Variants in COL11A1 observed in about 807,000 individuals in gnomAD.
The protein encoded by COL11A1 is collagen type XI alpha 1 chain.
In COL11A1, 74 loss-of-function variants were observed where a neutral mutation model predicts 265.2. The observed-to-expected ratio is 0.28, with a 90% CI of 0.23 to 0.34. COL11A1 has a LOEUF of 0.34. Ranked by LOEUF, COL11A1 falls within the 10% of genes least tolerant of loss-of-function variation. The pLI is 1.00. For synonymous variants in COL11A1, 816 were observed against 727.6 expected, an observed-to-expected ratio of 1.12 and a Z score of -1.96; for missense variants, 2,165 against 2,263.6, an observed-to-expected ratio of 0.96 and a Z score of 0.88.
intron 64 of COL11A1, among the ~76,000 whole-genome samples, chr1:102,882,235 T>C (rs1650342100): frequency 6.6e-6 from 1 of 152,194 alleles, no homozygotes; most frequent in Non-Finnish European, 1.5e-5. Flanking sequence ...CAACCTGAAT[T>C]ACTCCCTGCT....
chr1:103,004,328 G>T, intron 20 of COL11A1, 116 bp downstream of exon 20: 1 of 755,428 alleles, frequency 1.3e-6, no homozygotes, highest in Non-Finnish European at 2.3e-6. Flanking sequence ...TATCTGGTTA[G>T]CTTAGCTAAG....
intron 54 of COL11A1, among the ~76,000 whole-genome samples, chr1:102,904,157 G>T (rs1250464193): frequency 6.6e-6 from 1 of 152,016 alleles, no homozygotes; most frequent in Admixed American, 6.6e-5. Context: ...TTTTGTATAA[G>T]GTGTAAGGAA....
chr1:102,953,857 G>A (rs1228219645), intron 41 of COL11A1, among the ~76,000 whole-genome samples: 1 of 152,086 alleles, frequency 6.6e-6, no homozygotes, highest in African/African-American at 2.4e-5. Flanking sequence ...TCTGTAAGAA[G>A]GATAGATATT....
At chr1:102,902,765 G>T (rs569229518) in intron 54 of COL11A1, among the ~76,000 whole-genome samples, 97 of 151,288 alleles carry the variant, frequency 6.4e-4, no homozygotes, top group African/African-American at 2.2e-3. Context: ...CTTTGTAAAA[G>T]AAAATGTCTG....
intron 23 of COL11A1, 139 bp downstream of exon 23, chr1:103,002,289 G>C: frequency 1.1e-6 from 1 of 870,540 alleles, no homozygotes; most frequent in East Asian, 2.6e-5. Context: ...TTTAAAAAAA[G>C]AAAAGTATGT....
At chr1:103,073,287 T>C (rs930376385) in intron 4 of COL11A1, among the ~76,000 whole-genome samples, 9 of 151,926 alleles carry the variant, frequency 5.9e-5, no homozygotes, top group African/African-American at 1.9e-4. Flanking sequence ...TACACATTTA[T>C]GTTCCTGGAA....
intron 20 of COL11A1, among the ~76,000 whole-genome samples, chr1:103,003,526 T>A (rs538497511): frequency 4.6e-5 from 7 of 152,268 alleles, no homozygotes; most frequent in Admixed American, 2.0e-4. Flanking sequence ...ACTTGGGGAA[T>A]TTTTAAAATA....
intron 2 of COL11A1, among the ~76,000 whole-genome samples, chr1:103,082,200 T>TA (rs139284733): frequency 1.3e-5 from 2 of 151,934 alleles, no homozygotes; most frequent in South Asian, 2.1e-4. Flanking sequence ...GCTGATATTT[T>TA]AAAAAAATCT....
chr1:102,891,525 C>G (rs1023475239), intron 57 of COL11A1, among the ~76,000 whole-genome samples: 2 of 151,884 alleles, frequency 1.3e-5, no homozygotes, highest in Admixed American at 6.6e-5. Context: ...CCTGCCCCCC[C>G]GCCCAAGGAA....
intron 4 of COL11A1, among the ~76,000 whole-genome samples, chr1:103,049,134 G>A (rs879939093): frequency 2.6e-5 from 4 of 152,178 alleles, no homozygotes; most frequent in Admixed American, 1.3e-4. Flanking sequence ...GCAGAGCTGA[G>A]TTCAATTCCT....
At chr1:103,050,408 C>G (rs1240960160) in intron 4 of COL11A1, among the ~76,000 whole-genome samples, 1 of 152,200 alleles carries the variant, frequency 6.6e-6, no homozygotes, top group Non-Finnish European at 1.5e-5. Flanking sequence ...ACTGAGGATT[C>G]TGCATTCATC....
chr1:103,052,838 A>G (rs917870267), intron 4 of COL11A1, among the ~76,000 whole-genome samples: 5 of 152,204 alleles, frequency 3.3e-5, no homozygotes, highest in Non-Finnish European at 4.4e-5. Flanking sequence ...ATGGTAAAGT[A>G]ATGGAATATA....
intron 54 of COL11A1, among the ~76,000 whole-genome samples, chr1:102,905,043 A>G (rs1367653145): frequency 2.0e-5 from 3 of 152,070 alleles, no homozygotes; most frequent in African/African-American, 7.2e-5. Flanking sequence ...CTATGCAGCC[A>G]TAAAAAATGA....
At chr1:103,011,396 TAGTATC>T (rs1324375918) in intron 14 of COL11A1, among the ~76,000 whole-genome samples, 1 of 152,060 alleles carries the variant, frequency 6.6e-6, no homozygotes, top group East Asian at 1.9e-4. Flanking sequence ...CTATGAAACA[TAGTATC>T]AGAATATGTG....
At chr1:103,086,320 G>GAA (rs36000087) in intron 1 of COL11A1, among the ~76,000 whole-genome samples, 22 of 151,182 alleles carry the variant, frequency 1.5e-4, no homozygotes, top group Middle Eastern at 3.4e-3. Flanking sequence ...TTCTGAAAAG[G>GAA]AAAACAAAAT....
At chr1:103,017,383 T>G (rs549874568) in intron 11 of COL11A1, among the ~76,000 whole-genome samples, 1 of 152,232 alleles carries the variant, frequency 6.6e-6, no homozygotes, top group Admixed American at 6.5e-5. Context: ...GGTTATTTTA[T>G]GAGAAGAGTT....
intron 1 of COL11A1, among the ~76,000 whole-genome samples, chr1:103,084,319 T>A (rs866212005): frequency 6.6e-6 from 1 of 152,286 alleles, no homozygotes; most frequent in Middle Eastern, 3.4e-3. Flanking sequence ...AATTTTCATT[T>A]AAGTAGACTC....
intron 57 of COL11A1, among the ~76,000 whole-genome samples, chr1:102,897,432 T>C (rs950804749): frequency 6.8e-6 from 1 of 146,282 alleles, no homozygotes; most frequent in Non-Finnish European, 1.5e-5. Context: ...ATCTCTACCA[T>C]AAGAAAAAAA....
chr1:102,953,525 A>G (rs1660089773), intron 41 of COL11A1, among the ~76,000 whole-genome samples: 3 of 152,192 alleles, frequency 2.0e-5, no homozygotes, highest in Admixed American at 1.3e-4. Context: ...ATAGTTTGTC[A>G]TCAGGTTTTA....
Sources: gnomAD v4.1 joint callset for allele counts (sites outside exome capture counted in the v4.1 genomes callset) on GRCh38, gnomAD v4.1.1 for gene constraint, MANE v1.5 for transcripts, NCBI Gene and HGNC (gene_info 2026-07-23, HGNC 2026-07-21) for gene names.